The following AXDND1 variants were observed in gnomAD, a reference collection of about 807,000 sequenced individuals.
AXDND1 encodes axonemal dynein light chain domain containing 1.
Under a neutral mutation model 137.5 loss-of-function variants are expected in AXDND1, and 110 were observed. The ratio of observed to expected loss-of-function variants is 0.80; its 90% confidence interval spans 0.69 to 0.94. AXDND1 has a LOEUF of 0.94. Among genes scored for constraint, AXDND1 ranks in the 40% least tolerant of loss-of-function variants. AXDND1 has a pLI of 0.00. For synonymous variants in AXDND1, 414 were observed against 399.7 expected (o/e 1.04, Z -0.43); for missense variants, 1,191 against 1,169.8 (o/e 1.02, Z -0.26).
chr1:179,404,746 G>A (rs781687566), intron 11 of AXDND1, among the ~76,000 whole-genome samples: 3 of 152,030 alleles, frequency 2.0e-5, no homozygotes, highest in Non-Finnish European at 4.4e-5. Context: ...GTCTGGTTTT[G>A]ATATCAAAAT....
chr1:179,396,797 T>C (rs954363106), intron 11 of AXDND1, among the ~76,000 whole-genome samples: 4 of 152,226 alleles, frequency 2.6e-5, no homozygotes, highest in African/African-American at 9.6e-5. Flanking sequence ...GTATAATTTA[T>C]GTATCAATCA....
intron 18 of AXDND1, among the ~76,000 whole-genome samples, chr1:179,486,193 T>C (rs1666056582): frequency 6.8e-6 from 1 of 146,066 alleles, no homozygotes; most frequent in South Asian, 2.2e-4. Flanking sequence ...CAATTGCAAG[T>C]ATTAACAGCA....
intron 25 of AXDND1, among the ~76,000 whole-genome samples, chr1:179,539,640 A>G (rs551769778): frequency 6.6e-6 from 1 of 152,046 alleles, no homozygotes; most frequent in South Asian, 2.1e-4. Flanking sequence ...CTTCATTTCA[A>G]TCTTGGTGAA....
rs565672502 is a variant in AXDND1 at position 179,447,863 on chromosome 1, G to A, written c.1798+2659G>A. 7.6e-5 allele frequency: 102 copies of A among 1,336,470 alleles called. No homozygotes were observed. The African/African-American group carries it at 1.3e-3, about 17-fold the overall frequency. 82.8% of individuals were successfully genotyped at this position (1,336,470 alleles called of 1,614,324 possible). On this transcript the variant is annotated intron_variant, in intron 16 of 25. Transcript: ENST00000367618. ...ATCCCACCTGCATTGCCAGTACTTG[G>A]TGGTCTCTGAGGAGCTCCAGGGGAC...
chr1:179,520,729 G>A (rs552596292), intron 21 of AXDND1, among the ~76,000 whole-genome samples: 2 of 151,510 alleles, frequency 1.3e-5, no homozygotes, highest in South Asian at 4.2e-4. Context: ...CTACTTTTAT[G>A]CCTTTAAATC....
chr1:179,384,889 G>C (rs906285571), intron 8 of AXDND1, among the ~76,000 whole-genome samples: 1 of 151,346 alleles, frequency 6.6e-6, no homozygotes, highest in Admixed American at 6.6e-5. Context: ...TCAGCCTCCC[G>C]AGTAGCTGGG....
intron 4 of AXDND1, among the ~76,000 whole-genome samples, chr1:179,370,690 C>T (rs1350838244): frequency 6.6e-6 from 1 of 152,214 alleles, no homozygotes. Context: ...GTATTGTCCA[C>T]TTATCAATTT....
At chr1:179,460,761 T>C (rs1019931605) in intron 16 of AXDND1, among the ~76,000 whole-genome samples, 5 of 152,234 alleles carry the variant, frequency 3.3e-5, no homozygotes, top group African/African-American at 9.6e-5. Flanking sequence ...TGTGAGATGG[T>C]ATCTCATTGT....
At chr1:179,463,275 T>A (rs564757871) in intron 16 of AXDND1, among the ~76,000 whole-genome samples, 8 of 152,364 alleles carry the variant, frequency 5.3e-5, no homozygotes, top group African/African-American at 1.7e-4. Flanking sequence ...AATTTCCCTC[T>A]ACACACTGCT....
chr1:179,387,682 A>T (rs1470790001), intron 9 of AXDND1, among the ~76,000 whole-genome samples: 1 of 152,224 alleles, frequency 6.6e-6, no homozygotes, highest in Non-Finnish European at 1.5e-5. Flanking sequence ...TTAGGTCTTT[A>T]GGTGGGACAA....
Position 179,394,178 on chromosome 1 carries a change from A to G in AXDND1, c.1004+135A>G. The G allele has an allele frequency of 3.4e-6, 3 of 882,748 alleles. No individual in the cohort carries two copies. In the South Asian group the frequency reaches 6.8e-5, roughly 20 times the overall value. The allele number at this position is 882,748 out of a possible 1,614,324, so 54.7% of individuals were successfully genotyped here. A position where few individuals can be genotyped will look rare whatever the true frequency, so the allele number is the denominator to read the frequency against. On this transcript the variant is annotated intron_variant, in intron 10 of 25. Coordinates refer to ENST00000367618, the MANE Select transcript of AXDND1 (RefSeq NM_144696.6). ...TTTCCTTTTCATGTTTAGCAAGAGA[A>G]CAAAAAGAACTAGATGTCATTGTAG...
chr1:179,415,384 T>A (rs1162873637), intron 12 of AXDND1, among the ~76,000 whole-genome samples: 1 of 151,942 alleles, frequency 6.6e-6, no homozygotes, highest in Non-Finnish European at 1.5e-5. Flanking sequence ...CCCGACCTCA[T>A]TAAAAAGATA....
intron 16 of AXDND1, chr1:179,457,386 G>A: frequency 4.8e-6 from 2 of 414,382 alleles, no homozygotes; most frequent in Non-Finnish European, 8.8e-6. Context: ...GCGTCCAGGG[G>A]CAGAAAGGCA....
At chr1:179,421,365 T>C (rs1345342514) in intron 12 of AXDND1, among the ~76,000 whole-genome samples, 1 of 134,162 alleles carries the variant, frequency 7.5e-6, no homozygotes, top group African/African-American at 2.8e-5. Context: ...CTTTTTCTTT[T>C]CCTTTTTTTT....
intron 9 of AXDND1, among the ~76,000 whole-genome samples, chr1:179,393,633 A>G (rs1434024074): frequency 2.0e-5 from 3 of 152,042 alleles, no homozygotes; most frequent in Non-Finnish European, 2.9e-5. Flanking sequence ...TTTGTGTCAC[A>G]TGCAATGTTT....
intron 11 of AXDND1, among the ~76,000 whole-genome samples, chr1:179,399,681 A>G (rs1209462349): frequency 2.0e-5 from 3 of 152,258 alleles, no homozygotes. Context: ...TATACATCTG[A>G]CAAAGGACTA....
intron 25 of AXDND1, chr1:179,551,714 C>A: frequency 4.3e-6 from 2 of 466,072 alleles, no homozygotes; most frequent in Middle Eastern, 5.8e-4. Flanking sequence ...ATCTGGTGGG[C>A]CTTGAAAGAT....
intron 9 of AXDND1, among the ~76,000 whole-genome samples, chr1:179,390,231 C>A (rs1201991405): frequency 6.6e-6 from 1 of 152,142 alleles, no homozygotes; most frequent in Non-Finnish European, 1.5e-5. Flanking sequence ...CTAGGCTGGT[C>A]TTGAACTCCT....
At chr1:179,422,447 TC>T (rs1471471005) in intron 12 of AXDND1, among the ~76,000 whole-genome samples, 2 of 152,346 alleles carry the variant, frequency 1.3e-5, no homozygotes, top group East Asian at 3.9e-4. Context: ...TATCCAAGTT[TC>T]TTCCTGTTAT....
Sources: allele counts gnomAD v4.1 joint callset (sites outside exome capture counted in the v4.1 genomes callset), GRCh38; gene constraint gnomAD v4.1.1; transcripts MANE v1.5; gene names NCBI Gene and HGNC (gene_info 2026-07-23, HGNC 2026-07-21).